Variants in UBE2R2 observed in about 807,000 individuals in gnomAD.
UBE2R2 encodes the protein ubiquitin conjugating enzyme E2 R2.
Under a neutral mutation model 27.8 loss-of-function variants are expected in UBE2R2, and 1 was observed. The ratio of observed to expected loss-of-function variants is 0.04; its 90% CI spans 0.01 to 0.17. The LOEUF is 0.17. Ranked by LOEUF, UBE2R2 falls within the 10% of genes least tolerant of loss-of-function variation. The pLI, the probability that UBE2R2 is intolerant of heterozygous loss-of-function variation, is 1.00. For synonymous variants in UBE2R2, 106 were observed against 113.3 expected, an observed-to-expected ratio of 0.94 and a Z score of 0.41; for missense variants, 100 against 291.0, an observed-to-expected ratio of 0.34 and a Z score of 4.78.
At chr9:33,819,644 C>CT (rs34319188) in intron 1 of UBE2R2, among the ~76,000 whole-genome samples, 90,375 of 148,366 alleles carry the variant, frequency 0.61, 27,357 homozygotes, top group East Asian at 0.74. Flanking sequence ...TGATACCTTT[C>CT]TTTTTTTTTT....
chr9:33,822,585 G>A (rs772722346), intron 1 of UBE2R2, among the ~76,000 whole-genome samples: 4 of 127,870 alleles, frequency 3.1e-5, no homozygotes, highest in Non-Finnish European at 6.7e-5. Context: ...TACCACACTC[G>A]TTTTAATTTA....
At chr9:33,912,250 C>A in intron 4 of UBE2R2, 152 bp downstream of exon 4, 1 of 742,406 alleles carries the variant, frequency 1.3e-6, no homozygotes, top group Non-Finnish European at 2.1e-6. Context: ...TCTGCCTGAG[C>A]CTAAAGAACT....
intron 3 of UBE2R2, among the ~76,000 whole-genome samples, chr9:33,900,908 C>CCT (rs1204240373): frequency 6.6e-6 from 1 of 151,456 alleles, no homozygotes; most frequent in Non-Finnish European, 1.5e-5. Context: ...ATGGGCAACT[C>CCT]CTCTCTCTCT....
At chr9:33,820,031 A>G (rs1396171947) in intron 1 of UBE2R2, among the ~76,000 whole-genome samples, 1 of 152,244 alleles carries the variant, frequency 6.6e-6, no homozygotes, top group African/African-American at 2.4e-5. Flanking sequence ...ATTGTTTGGT[A>G]CAACCGATAT....
At chr9:33,820,298 T>C (rs1289052150) in intron 1 of UBE2R2, among the ~76,000 whole-genome samples, 2 of 152,228 alleles carry the variant, frequency 1.3e-5, no homozygotes, top group Non-Finnish European at 2.9e-5. Context: ...AAAAGAATGA[T>C]TTAATCTCGT....
At chr9:33,912,641 GAATA>G (rs1353101843) in intron 4 of UBE2R2, among the ~76,000 whole-genome samples, 1 of 150,280 alleles carries the variant, frequency 6.7e-6, no homozygotes, top group Non-Finnish European at 1.5e-5. Context: ...AAAAAAAATT[GAATA>G]AATAAAGCCT....
Position 33,822,407 on chromosome 9 carries a change from T to G in UBE2R2, c.177+4473T>G, listed in dbSNP as rs934030552. Among the ~76,000 whole-genome samples, 15 of 148,820 alleles carry G rather than the reference T, an allele frequency of 1.0e-4. No individual in the cohort carries two copies. In the South Asian group the frequency reaches 2.8e-3, roughly 28 times the overall value. On this transcript the variant is annotated intron_variant, in intron 1 of 4. Transcript: ENST00000263228. ...ACACCTGGCCTACACTGACTTACAT[T>G]AAAGAAACTCTTCAAAACCTTTTTT... is the stretch of plus-strand genomic sequence containing the variant.
At position 33,919,080 on chromosome 9, in the gene UBE2R2, A is replaced by G. The variant is rs1822731325; in HGVS notation, c.*1843A>G. ...TGGTCCCAGAATCTGTGATCTCCAC[A>G]GGGCCAGGGTTGCTACTTGCACCCA... On this transcript the variant is annotated 3_prime_UTR_variant, in exon 5 of 5. Transcript: ENST00000263228. The G allele has an allele frequency of 6.6e-6, 1 of 152,576 alleles. No homozygotes were observed. The highest frequency in any genetic ancestry group is 1.5e-5 in the Non-Finnish European group (1 of 68,068). 9.5% of individuals were successfully genotyped at this position (152,576 alleles called of 1,614,324 possible). A position where few individuals can be genotyped will look rare whatever the true frequency, so the allele number is the denominator to read the frequency against.
At chr9:33,886,123 C>T (rs756955818) in intron 1 of UBE2R2, among the ~76,000 whole-genome samples, 8 of 151,930 alleles carry the variant, frequency 5.3e-5, no homozygotes, top group Non-Finnish European at 8.8e-5. Flanking sequence ...TTTAAAAATA[C>T]GTTTTGTAAG....
At chr9:33,847,085 T>C (rs1012798393) in intron 1 of UBE2R2, among the ~76,000 whole-genome samples, 1 of 151,768 alleles carries the variant, frequency 6.6e-6, no homozygotes, top group Non-Finnish European at 1.5e-5. Flanking sequence ...AAGTTTTCAT[T>C]TTATTGTTTT....
Position 33,840,398 on chromosome 9 carries a change from C to A in UBE2R2, c.177+22464C>A, listed in dbSNP as rs555334148. Among the ~76,000 whole-genome samples, 18 of 152,282 alleles carry A rather than the reference C, an allele frequency of 1.2e-4. No individual in the cohort carries two copies. In the South Asian group the frequency reaches 3.7e-3, roughly 32 times the overall value. On this transcript the variant is annotated intron_variant, in intron 1 of 4. Coordinates refer to ENST00000263228, the MANE Select transcript of UBE2R2 (RefSeq NM_017811.4). ...TAGTGTTATGATGTCTTTTAAACCA[C>A]AGTTTATGCCTCTATCCCTTTTTTT...
intron 1 of UBE2R2, among the ~76,000 whole-genome samples, chr9:33,822,405 A>G (rs538661868): frequency 6.9e-6 from 1 of 145,612 alleles, no homozygotes; most frequent in Admixed American, 6.9e-5. Context: ...ACTGACTTAC[A>G]TTAAAGAAAC....
intron 1 of UBE2R2, among the ~76,000 whole-genome samples, chr9:33,820,339 A>G (rs915936332): frequency 6.6e-6 from 1 of 152,200 alleles, no homozygotes; most frequent in Non-Finnish European, 1.5e-5. Context: ...TTAAGCTTTG[A>G]GTGTTTTTAC....
At chr9:33,900,874 A>G (rs976773069) in intron 3 of UBE2R2, among the ~76,000 whole-genome samples, 2 of 151,944 alleles carry the variant, frequency 1.3e-5, no homozygotes, top group Non-Finnish European at 1.5e-5. Flanking sequence ...TGCTCATCAC[A>G]TTATATTTAA....
At chr9:33,909,738 G>A (rs1014650159) in intron 3 of UBE2R2, among the ~76,000 whole-genome samples, 5 of 151,922 alleles carry the variant, frequency 3.3e-5, no homozygotes, top group Non-Finnish European at 4.4e-5. Context: ...TCTTTTTAAT[G>A]TAATTACTGA....
intron 1 of UBE2R2, among the ~76,000 whole-genome samples, chr9:33,820,509 T>C (rs1444662610): frequency 6.6e-6 from 1 of 152,232 alleles, no homozygotes; most frequent in East Asian, 1.9e-4. Context: ...TCATGAGCAG[T>C]TGACACTGGG....
At chr9:33,873,527 T>A (rs1821533701) in intron 1 of UBE2R2, among the ~76,000 whole-genome samples, 1 of 152,234 alleles carries the variant, frequency 6.6e-6, no homozygotes, top group Non-Finnish European at 1.5e-5. Context: ...TAATTCCATA[T>A]GTGACCTAAA....
At chr9:33,861,694 G>A (rs1018678851) in intron 1 of UBE2R2, among the ~76,000 whole-genome samples, 16 of 151,974 alleles carry the variant, frequency 1.1e-4, no homozygotes, top group African/African-American at 3.9e-4. Context: ...TTTATTTTGT[G>A]TACTTTTTCA....
At chr9:33,845,228 G>A (rs1208657038) in intron 1 of UBE2R2, among the ~76,000 whole-genome samples, 1 of 151,580 alleles carries the variant, frequency 6.6e-6, no homozygotes, top group Non-Finnish European at 1.5e-5. Flanking sequence ...TTGTTGCCCA[G>A]GCTGGAGTGC....
Sources: gnomAD v4.1 joint callset for allele counts (sites outside exome capture counted in the v4.1 genomes callset) on GRCh38, gnomAD v4.1.1 for gene constraint, MANE v1.5 for transcripts, NCBI Gene and HGNC (gene_info 2026-07-23, HGNC 2026-07-21) for gene names.